Variants in PPARA observed in about 807,000 individuals in gnomAD.
The protein encoded by PPARA is peroxisome proliferator activated receptor alpha.
PPARA carries 22 observed loss-of-function variants against 42.2 expected under a neutral mutation model. The ratio of observed to expected loss-of-function variants is 0.52; its 90% CI spans 0.37 to 0.74. The LOEUF (loss-of-function observed/expected upper bound fraction) is 0.74. Ranked by LOEUF, PPARA falls within the 30% of genes least tolerant of loss-of-function variation. The pLI is 0.00. For synonymous variants in PPARA, 242 were observed against 239.3 expected, an observed-to-expected ratio of 1.01 and a Z score of -0.10; for missense variants, 465 against 608.2, an observed-to-expected ratio of 0.76 and a Z score of 2.48.
chr22:46,156,727 A>T lies in PPARA; in HGVS notation c.-127+4757A>T, dbSNP rs1244395815. 1 of 152,112 alleles carries T rather than the reference A, an allele frequency of 6.6e-6. No individual in the cohort carries two copies. Among genetic ancestry groups the T allele is most frequent in the African/African-American group, 2.4e-5 (1 of 41,400 alleles). The allele number at this position is 152,112 out of a possible 1,614,324, so 9.4% of individuals were successfully genotyped here. On this transcript the variant is annotated intron_variant, in intron 2 of 8. Coordinates refer to ENST00000407236, the MANE Select transcript of PPARA (RefSeq NM_005036.6). The surrounding 1 kb of genome is among the most constrained non-coding windows in gnomAD (Gnocchi z 5.2). ...AGCAATTCTCCCACCTCAGCCTCCT[A>T]AGTAGCTGGGACTACAGGCACCCGC...
chr22:46,185,919 ATATATATATATAT>A (rs1569207717), intron 3 of PPARA, among the ~76,000 whole-genome samples: 40 of 9,776 alleles, frequency 4.1e-3, no homozygotes, highest in African/African-American at 0.015. Context: ...AAAAAAAAAT[ATATATATATATAT>A]ATATATATAT....
In PPARA at chr22:46,235,039, G is replaced by C; in HGVS notation, c.1160-94G>C. ...GCAGCTCAGTTTTTTTCTAAGAAAGGCCACATAAAATAGGCATGTTTGGTT... is the reference window on the plus strand; with the variant it reads ...GCAGCTCAGTTTTTTTCTAAGAAAGCCCACATAAAATAGGCATGTTTGGTT... On this transcript the variant is annotated intron_variant, in intron 8 of 8. Coordinates refer to ENST00000407236, the MANE Select transcript of PPARA (RefSeq NM_005036.6). The surrounding 1 kb of genome is among the most constrained non-coding windows in gnomAD (Gnocchi z 7.0). 1.9e-6 allele frequency: 3 copies of C among 1,550,568 alleles called. No individual in the cohort carries two copies. Among genetic ancestry groups the C allele is most frequent in the Middle Eastern group, 1.7e-4 (1 of 5,812 alleles).
chr22:46,215,704 T>C (rs1479284983), intron 5 of PPARA, among the ~76,000 whole-genome samples: 3 of 151,296 alleles, frequency 2.0e-5, no homozygotes, highest in Admixed American at 2.0e-4. Flanking sequence ...ATTGCGCCAC[T>C]GCACTCCAGC....
rs1281916855 is a variant in PPARA, at chr22:46,233,342, G to A, written c.1159+1103G>A. On this transcript the variant is annotated intron_variant, in intron 8 of 8. Transcript: ENST00000407236. The surrounding 1 kb of genome is among the most constrained non-coding windows in gnomAD (Gnocchi z 7.3). ...TCTGCAGCCTCCACATTTTTGGCTC[G>A]GTGTCACGTTCCTTTAAATAGCCCC... 6.6e-6 allele frequency among the ~76,000 whole-genome samples: 1 copy of A among 152,232 alleles called. No homozygotes were observed. Among genetic ancestry groups the A allele is most frequent in the East Asian group, 1.9e-4 (1 of 5,190 alleles).
Position 46,235,622 on chromosome 22 carries a change from A to G in PPARA, c.*242A>G. The G allele has an allele frequency of 1.8e-6, 1 of 540,956 alleles. No homozygotes were observed. Among genetic ancestry groups the G allele is most frequent in the East Asian group, 3.3e-5 (1 of 30,362 alleles). 33.5% of individuals were successfully genotyped at this position (540,956 alleles called of 1,614,324 possible). ...TCTCAGGACTGGGAAGATTACGGCG[A>G]ATTATGCTCAATGGTCTGATTTTAA... On this transcript the variant is annotated 3_prime_UTR_variant, in exon 9 of 9. Transcript: ENST00000407236. The surrounding 1 kb of genome is among the most constrained non-coding windows in gnomAD (Gnocchi z 7.0).
intron 3 of PPARA, among the ~76,000 whole-genome samples, chr22:46,189,768 C>T (rs1199790827): frequency 6.6e-6 from 1 of 151,316 alleles, no homozygotes; most frequent in Non-Finnish European, 1.5e-5. Flanking sequence ...TGCAGTGGCG[C>T]AGTCTCAGCT....
In PPARA at chr22:46,190,956, C is replaced by T. The variant is rs928133091; in HGVS notation, c.-42-7386C>T. ...CTGTAATCCCAGCACTTTGGGAGGC[C>T]GAGGTGGGCGGATTACCTGAGGTCA... On this transcript the variant is annotated intron_variant, in intron 3 of 8. Coordinates refer to ENST00000407236, the MANE Select transcript of PPARA (RefSeq NM_005036.6). This position sits in a 1 kb window ranked among gnomAD's most constrained non-coding sequence, Gnocchi z 5.6. 1.3e-5 allele frequency among the ~76,000 whole-genome samples: 2 copies of T among 151,986 alleles called. No homozygotes were observed. Among genetic ancestry groups the T allele is most frequent in the Non-Finnish European group, 2.9e-5 (2 of 68,004 alleles).
chr22:46,178,142 G>A (rs1014981288), intron 3 of PPARA, among the ~76,000 whole-genome samples: 4 of 152,160 alleles, frequency 2.6e-5, no homozygotes, highest in Admixed American at 6.5e-5. Flanking sequence ...CAAAAGTGTA[G>A]TCTAACAGTT....
rs763232708 is a variant in PPARA, at chr22:46,183,785, T to C, written c.-43+6949T>C. On this transcript the variant is annotated intron_variant, in intron 3 of 8. Transcript: ENST00000407236. This position sits in a 1 kb window ranked among gnomAD's most constrained non-coding sequence, Gnocchi z 5.5. ...ACAAAAAAAGCTAAATTATCAAATG[T>C]CTAGATCGTTGATGGTTGGAAGTAA... 2.0e-5 allele frequency among the ~76,000 whole-genome samples: 3 copies of C among 152,132 alleles called. No individual in the cohort carries two copies. The highest frequency in any genetic ancestry group is 2.9e-5 in the Non-Finnish European group (2 of 68,018).
rs149004445 is a variant in PPARA at position 46,241,204 on chromosome 22, G to C, written c.*5824G>C. 3.3e-5 allele frequency: 5 copies of C among 152,186 alleles called. No individual in the cohort carries two copies. The highest frequency in any genetic ancestry group is 3.3e-4 in the Admixed American group (5 of 15,286). The allele number at this position is 152,186 out of a possible 1,614,324, so 9.4% of individuals were successfully genotyped here. ...GACTGGGTTCCAAAGTTGAGGCCTA[G>C]GTTTTTGCTGGGATTTAGATATTTT... On this transcript the variant is annotated 3_prime_UTR_variant, in exon 9 of 9. Coordinates refer to ENST00000407236, the MANE Select transcript of PPARA (RefSeq NM_005036.6). The surrounding 1 kb of genome is among the most constrained non-coding windows in gnomAD (Gnocchi z 5.7).
intron 2 of PPARA, among the ~76,000 whole-genome samples, chr22:46,170,663 C>A (rs1215580006): frequency 6.6e-6 from 1 of 151,634 alleles, no homozygotes; most frequent in Non-Finnish European, 1.5e-5. Flanking sequence ...AGATGACAGA[C>A]AAGAATTCTT....
intron 3 of PPARA, among the ~76,000 whole-genome samples, chr22:46,185,962 T>C (rs200418908): frequency 0.098 from 3,640 of 36,972 alleles, 399 homozygotes; most frequent in Admixed American, 0.16. Context: ...TATATATATA[T>C]ATACACACAC....
chr22:46,226,346 T>G (rs1172025030), intron 7 of PPARA, among the ~76,000 whole-genome samples: 1 of 152,198 alleles, frequency 6.6e-6, no homozygotes, highest in Non-Finnish European at 1.5e-5. Flanking sequence ...ACCAAATAAT[T>G]CTTTAGCACT....
At position 46,217,819 on chromosome 22, in the gene PPARA, C is replaced by CTTTTTTTTTTTTTTTTTT. The variant is rs60894989; in HGVS notation, c.370-432_370-415dup. Among the ~76,000 whole-genome samples the CTTTTTTTTTTTTTTTTTT allele has an allele frequency of 2.5e-4, 19 of 77,056 alleles. 4 individuals carry two copies. The highest frequency in any genetic ancestry group is 1.1e-3 in the African/African-American group (17 of 16,190). The allele number at this position is 77,056 out of a possible 152,430, so 50.6% of individuals were successfully genotyped here. A position where few individuals can be genotyped will look rare whatever the true frequency, so the allele number is the denominator to read the frequency against. ...GACTTCTTAGAAGAACTATTTCTTTCTTTTTTTTTTTTTTTTTTTTTTTTT... is the reference window on the plus strand; with the variant it reads ...GACTTCTTAGAAGAACTATTTCTTTCTTTTTTTTTTTTTTTTTTTTTTTTTTTTTTTTTTTTTTTTTTT... On this transcript the variant is annotated intron_variant, in intron 5 of 8. Coordinates refer to ENST00000407236, the MANE Select transcript of PPARA (RefSeq NM_005036.6).
rs1270624683 is a variant in PPARA, at chr22:46,187,795, G to A, written c.-42-10547G>A. Among the ~76,000 whole-genome samples, 2 of 152,196 alleles carry A rather than the reference G, an allele frequency of 1.3e-5. No homozygotes were observed. Among genetic ancestry groups the A allele is most frequent in the Non-Finnish European group, 2.9e-5 (2 of 68,038 alleles). ...TGAGGTAGATCAAAAATGGTCACAA[G>A]TTCTTTGAGGCTCTTCCCATCAAGA... On this transcript the variant is annotated intron_variant, in intron 3 of 8. Transcript: ENST00000407236. This position sits in a 1 kb window ranked among gnomAD's most constrained non-coding sequence, Gnocchi z 4.9.
At chr22:46,153,231 A>G (rs1487335449) in intron 2 of PPARA, among the ~76,000 whole-genome samples, 1 of 124,222 alleles carries the variant, frequency 8.1e-6, no homozygotes, top group East Asian at 2.4e-4. Flanking sequence ...GTGCAGTGGC[A>G]TGATCTTGGC....
chr22:46,180,028 C>T lies in PPARA; in HGVS notation c.-43+3192C>T, dbSNP rs1287655346. Reference sequence around the variant, plus strand: ...CAGTCCCCATGCTAATGTTCTACAACTTACACAGTGGTGGTATGATACCAC... The same window carrying T: ...CAGTCCCCATGCTAATGTTCTACAATTTACACAGTGGTGGTATGATACCAC... On this transcript the variant is annotated intron_variant, in intron 3 of 8. Coordinates refer to ENST00000407236, the MANE Select transcript of PPARA (RefSeq NM_005036.6). This position sits in a 1 kb window ranked among gnomAD's most constrained non-coding sequence, Gnocchi z 4.2. 6.6e-6 allele frequency among the ~76,000 whole-genome samples: 1 copy of T among 152,202 alleles called. No homozygotes were observed. Among genetic ancestry groups the T allele is most frequent in the Non-Finnish European group, 1.5e-5 (1 of 68,032 alleles).
chr22:46,183,634 C>T lies in PPARA; in HGVS notation c.-43+6798C>T, dbSNP rs1032404676. 5.3e-5 allele frequency among the ~76,000 whole-genome samples: 8 copies of T among 152,044 alleles called. No individual in the cohort carries two copies. Among genetic ancestry groups the T allele is most frequent in the South Asian group, 2.1e-4 (1 of 4,812 alleles). ...GCATGTGCCTGTAGTCCCAGTTACC[C>T]GGGAGGCTGAGGTGGGAGGATCACT... On this transcript the variant is annotated intron_variant, in intron 3 of 8. Coordinates refer to ENST00000407236, the MANE Select transcript of PPARA (RefSeq NM_005036.6). The surrounding 1 kb of genome is among the most constrained non-coding windows in gnomAD (Gnocchi z 5.5).
intron 2 of PPARA, among the ~76,000 whole-genome samples, chr22:46,168,472 AAAGTC>A (rs1927466977): frequency 1.3e-5 from 2 of 151,886 alleles, no homozygotes; most frequent in African/African-American, 4.8e-5. Context: ...AATAAAATGA[AAAGTC>A]AAGCCATAGA....
Sources: gnomAD v4.1 joint callset for allele counts (sites outside exome capture counted in the v4.1 genomes callset) on GRCh38, gnomAD v4.1.1 for gene constraint, Gnocchi (gnomAD v3.1) non-coding constraint, MANE v1.5 for transcripts, NCBI Gene and HGNC (gene_info 2026-07-23, HGNC 2026-07-21) for gene names.